Variants in KLHL32 observed in about 807,000 individuals in gnomAD.
KLHL32 encodes kelch like family member 32, also known as kelch-like protein 32.
Under a neutral mutation model 64.8 loss-of-function variants are expected in KLHL32, and 35 were observed. The ratio of observed to expected loss-of-function variants is 0.54; its 90% CI spans 0.41 to 0.72. KLHL32 has a LOEUF of 0.72. KLHL32 is among the 30% of genes least tolerant of loss of function. The pLI, the probability that KLHL32 is intolerant of heterozygous loss-of-function variation, is 0.00. For missense variants in KLHL32, 589 were observed against 768.5 expected, an observed-to-expected ratio of 0.77 and a Z score of 2.76; for synonymous variants, 259 against 281.0, an observed-to-expected ratio of 0.92 and a Z score of 0.78.
intron 5 of KLHL32, among the ~76,000 whole-genome samples, chr6:97,067,579 G>A (rs74317470): frequency 0.012 from 1,777 of 152,210 alleles, 38 homozygotes; most frequent in African/African-American, 0.04. Context: ...CCAAGAAAGG[G>A]AACCACATAT....
chr6:97,138,635 T>A (rs1800335240), intron 10 of KLHL32, among the ~76,000 whole-genome samples: 1 of 152,156 alleles, frequency 6.6e-6, no homozygotes, highest in Admixed American at 6.5e-5. Flanking sequence ...CCTTCCAGAA[T>A]CGACTGAATT....
At chr6:97,086,711 G>A (rs1468515682) in intron 6 of KLHL32, among the ~76,000 whole-genome samples, 1 of 152,158 alleles carries the variant, frequency 6.6e-6, no homozygotes, top group Non-Finnish European at 1.5e-5. Context: ...GGTAATGTTT[G>A]TTCAGGCAGA....
chr6:97,057,172 CTTTTTTTTT>C (rs199552121), intron 4 of KLHL32, among the ~76,000 whole-genome samples: 5 of 65,016 alleles, frequency 7.7e-5, no homozygotes, highest in African/African-American at 3.5e-4. Context: ...ATGTGAGTAT[CTTTTTTTTT>C]TTTTTTTTTT....
the KLHL32 span, among the ~76,000 whole-genome samples, chr6:96,911,824 C>CTTTTTTTTTTTTTTTTTTTTTT: frequency 6.1e-4 from 33 of 54,090 alleles, 10 homozygotes; most frequent in Admixed American, 8.4e-4. Flanking sequence ...CTCGGTCCTT[C>CTTTTTTTTTTTTTTTTTTTTTT]TTTTTTTTTT....
chr6:97,012,212 T>A (rs1396933884), intron 3 of KLHL32, among the ~76,000 whole-genome samples: 1 of 152,196 alleles, frequency 6.6e-6, no homozygotes, highest in Admixed American at 6.5e-5. Flanking sequence ...ATGCCCTAAT[T>A]TCTGGAGCCT....
chr6:97,078,338 T>C (rs1791928065), intron 5 of KLHL32, among the ~76,000 whole-genome samples: 2 of 152,194 alleles, frequency 1.3e-5, no homozygotes, highest in Non-Finnish European at 2.9e-5. Context: ...CCTGCCTATC[T>C]TTATCTATAG....
rs565364787 is a variant in KLHL32 at position 97,037,558 on chromosome 6, C to G, written c.205-3934C>G. On this transcript the variant is annotated intron_variant, in intron 3 of 10. Coordinates refer to ENST00000369261, the MANE Select transcript of KLHL32 (RefSeq NM_052904.4). The stretch of plus-strand genomic sequence containing the variant: ...ATGCCAAAAAAAGGGAAAGATACTC[C>G]GTATTCATGGATAGGAATAATTAAT... Among the ~76,000 whole-genome samples the G allele has an allele frequency of 7.9e-5, 12 of 152,086 alleles. No individual in the cohort carries two copies. In the South Asian group the frequency reaches 2.3e-3, roughly 29 times the overall value.
At chr6:97,130,671 G>T in intron 8 of KLHL32, 86 bp from the exon 9 acceptor site, 1 of 960,296 alleles carries the variant, frequency 1.0e-6, no homozygotes, top group Non-Finnish European at 1.5e-6. Flanking sequence ...AAACATTAGG[G>T]TTCTCACTAC....
intron 5 of KLHL32, among the ~76,000 whole-genome samples, chr6:97,080,728 C>G (rs973090587): frequency 6.6e-6 from 1 of 152,194 alleles, no homozygotes; most frequent in Admixed American, 6.5e-5. Flanking sequence ...CCAGCAGCTC[C>G]TTCCTCCCAT....
At chr6:97,064,374 T>C (rs1789384068) in intron 4 of KLHL32, among the ~76,000 whole-genome samples, 1 of 152,150 alleles carries the variant, frequency 6.6e-6, no homozygotes, top group Non-Finnish European at 1.5e-5. Flanking sequence ...AATAAGTGGT[T>C]AAGTGCAGAG....
chr6:96,969,265 C>T (rs754013261), intron 2 of KLHL32, among the ~76,000 whole-genome samples: 3 of 152,178 alleles, frequency 2.0e-5, no homozygotes, highest in Non-Finnish European at 4.4e-5. Context: ...TGCTCTGTTT[C>T]TGAAATCACG....
chr6:96,911,127 A>G, the KLHL32 span, among the ~76,000 whole-genome samples: 2 of 152,180 alleles, frequency 1.3e-5, no homozygotes, highest in African/African-American at 4.8e-5. Flanking sequence ...TAAACAACAG[A>G]ACTTTATTCT....
chr6:96,960,514 T>C (rs1262135764), intron 1 of KLHL32, among the ~76,000 whole-genome samples: 3 of 152,254 alleles, frequency 2.0e-5, no homozygotes, highest in Admixed American at 2.0e-4. Context: ...TTAAAAATTA[T>C]AAGGTATTAT....
intron 3 of KLHL32, 99 bp downstream of exon 3, chr6:96,976,276 C>T (rs1775681935): frequency 2.6e-6 from 3 of 1,145,646 alleles, no homozygotes; most frequent in Non-Finnish European, 3.6e-6. Context: ...AGGTGGTACC[C>T]CCAGAGCTGA....
At chr6:96,916,547 G>A in the KLHL32 span, among the ~76,000 whole-genome samples, 30 of 152,078 alleles carry the variant, frequency 2.0e-4, 1 homozygote, top group Admixed American at 7.2e-4. Context: ...TCACTTTCCC[G>A]TAATTTATCA....
In KLHL32 at chr6:97,113,902, C is replaced by G; in HGVS notation, c.747C>G (p.Pro249=). 6.2e-7 allele frequency: 1 copy of G among 1,614,134 alleles called. No homozygotes were observed. The highest frequency in any genetic ancestry group is 8.5e-7 in the Non-Finnish European group (1 of 1,180,032). The change falls in exon 7 of 11, where the codon CCC becomes CCG. Residue 249 remains proline (P), a synonymous_variant. Coordinates refer to ENST00000369261, the MANE Select transcript of KLHL32 (RefSeq NM_052904.4). ...TCCATACAGTTGCCCTGTCCCACCC[C>G]CTTGTCCAAGCAAGTGAGACTGCAA... ...DTLHTVALSH[P]LVQASETATA... is the part of the protein sequence containing the mutation.
chr6:96,969,603 A>C (rs1774894202), intron 2 of KLHL32, among the ~76,000 whole-genome samples: 1 of 152,232 alleles, frequency 6.6e-6, no homozygotes, highest in African/African-American at 2.4e-5. Flanking sequence ...AAAAGTGCCC[A>C]GAGTTTTAGT....
chr6:97,037,718 A>G (rs1784507489), intron 3 of KLHL32, among the ~76,000 whole-genome samples: 1 of 152,292 alleles, frequency 6.6e-6, no homozygotes, highest in Non-Finnish European at 1.5e-5. Context: ...CCAAATAACC[A>G]AAGCCACCCT....
Position 97,127,462 on chromosome 6 carries a change from G to T in KLHL32, c.1413G>T (p.Gln471His), listed in dbSNP as rs1235612678. ...QNRLMVYEPN[Q>H]NKWISRSPML... ...GGCTAATGGTGTATGAACCTAACCA[G>T]GTAAGAATCATGTAAGAACACCTCA... The change falls in exon 8 of 11, where the codon CAG (glutamine) becomes CAT (histidine). Residue 471 changes from glutamine (Q) to histidine (H), a missense_variant and splice_region_variant. Around this residue, in one of 3 missense-constraint regions of KLHL32, gnomAD observed 172 missense variants for 192.0 expected, o/e 0.90. Coordinates refer to ENST00000369261, the MANE Select transcript of KLHL32 (RefSeq NM_052904.4). 4 of 1,610,358 alleles carry T rather than the reference G, an allele frequency of 2.5e-6. No individual in the cohort carries two copies. The highest frequency in any genetic ancestry group is 3.4e-6 in the Non-Finnish European group (4 of 1,177,194).
Sources: gnomAD v4.1 joint callset for allele counts (sites outside exome capture counted in the v4.1 genomes callset) on GRCh38, gnomAD v4.1.1 for gene constraint, gnomAD v4.1.1 regional missense constraint, MANE v1.5 for transcripts, NCBI Gene and HGNC (gene_info 2026-07-23, HGNC 2026-07-21) for gene names.